Variants in PER3 observed in about 807,000 individuals in gnomAD.
The protein encoded by PER3 is period circadian protein homolog 3.
A neutral mutation model predicts 127.2 loss-of-function variants in PER3; 107 were observed. The observed-to-expected ratio is 0.84, with a 90% CI of 0.72 to 0.99. The LOEUF (loss-of-function observed/expected upper bound fraction) is 0.99, where lower values mean the gene tolerates loss of function less well. Ranked by LOEUF, PER3 falls within the 50% of genes least tolerant of loss-of-function variation. PER3 has a pLI of 0.00. For synonymous variants in PER3, 618 were observed against 585.8 expected (o/e 1.05, Z -0.79); for missense variants, 1,560 against 1,525.8 (o/e 1.02, Z -0.37).
Position 7,786,736 on chromosome 1 carries a change from T to C in PER3, c.290T>C (p.Phe97Ser), listed in dbSNP as rs756739004. ...TGTTTCTTAGCAAACAGTGAGTTTT[T>C]CCAGATTCTCAGTCAGAATGGAGCA... ...VHSVQANSEF[F>S]QILSQNGAPQ... Residue 97 changes from phenylalanine (F) to serine (S), a missense_variant, in exon 4 of 22, where the codon TTC (phenylalanine) becomes TCC (serine). This residue lies in a region of PER3 where 1,332 missense variants were observed against 1,223.6 expected (regional missense o/e 1.09). Coordinates refer to ENST00000377532, the MANE Select transcript of PER3 (RefSeq NM_001377275.1). The C allele has an allele frequency of 7.5e-6, 12 of 1,601,280 alleles. No homozygotes were observed. The highest frequency in any genetic ancestry group is 1.3e-5 in the African/African-American group (1 of 74,704).
At chr1:7,810,048 T>A (rs772046101) in intron 12 of PER3, 27 bp downstream of exon 12, 1 of 1,601,048 alleles carries the variant, frequency 6.2e-7, no homozygotes, top group African/African-American at 1.3e-5. Context: ...CACATTCTTA[T>A]ACAGGCATCG....
chr1:7,816,545 G>A (rs192003237), intron 13 of PER3, among the ~76,000 whole-genome samples: 9 of 152,216 alleles, frequency 5.9e-5, no homozygotes. Context: ...TTTTTCCAAA[G>A]AAGATACATA....
chr1:7,802,211 C>T (rs546559758), intron 8 of PER3, among the ~76,000 whole-genome samples: 2 of 152,272 alleles, frequency 1.3e-5, no homozygotes, highest in South Asian at 4.1e-4. Context: ...GAAACTATTT[C>T]TGTGTACTAG....
At position 7,842,741 on chromosome 1, in the gene PER3, G is replaced by T; in HGVS notation, c.3619G>T (p.Glu1207Ter). Residue 1207 changes from glutamate (E) to a stop codon, truncating the protein, a stop_gained, in exon 22 of 22, where the codon GAA (glutamate) becomes TAA (stop). Transcript: ENST00000377532. LOFTEE classifies it high-confidence loss of function. ...CACATCCTGTGGTCAGGTTCTGGTA[G>T]AAGACAGCTGTTGAGTGACTGTGAG... ...AATSCGQVLV[E>*]DSC The T allele has an allele frequency of 6.2e-7, 1 of 1,613,184 alleles. No individual in the cohort carries two copies.
intron 19 of PER3, among the ~76,000 whole-genome samples, chr1:7,831,233 A>G (rs746562935): frequency 2.6e-5 from 4 of 152,220 alleles, no homozygotes; most frequent in Non-Finnish European, 5.9e-5. Context: ...TGAAAATGGC[A>G]TTTTAAATTT....
At chr1:7,817,855 A>G (rs1361994726) in intron 13 of PER3, among the ~76,000 whole-genome samples, 1 of 152,242 alleles carries the variant, frequency 6.6e-6, no homozygotes, top group African/African-American at 2.4e-5. Flanking sequence ...GCGTGATCTC[A>G]AAGTATTCCT....
chr1:7,815,296 T>C (rs1023922937), intron 13 of PER3, among the ~76,000 whole-genome samples: 1 of 152,182 alleles, frequency 6.6e-6, no homozygotes, highest in Non-Finnish European at 1.5e-5. Flanking sequence ...ACTGAAATCG[T>C]CAAATTGGAT....
chr1:7,790,282 A>T lies in PER3; in HGVS notation c.592+2036A>T, dbSNP rs564036008. Among the ~76,000 whole-genome samples, 15 of 152,338 alleles carry T rather than the reference A, an allele frequency of 9.8e-5. No homozygotes were observed. The East Asian group carries it at 2.9e-3, about 29-fold the overall frequency. On this transcript the variant is annotated intron_variant, in intron 5 of 21. Transcript: ENST00000377532. The stretch of plus-strand genomic sequence containing the variant: ...TCCACATGACTGGGGAGGCCTCAGG[A>T]AACTTACAATCATGGCAGAAGGGGA...
Position 7,812,454 on chromosome 1 carries a change from G to A in PER3, c.1522+1866G>A, listed in dbSNP as rs199948098. On this transcript the variant is annotated intron_variant, in intron 13 of 21. Coordinates refer to ENST00000377532, the MANE Select transcript of PER3 (RefSeq NM_001377275.1). ...ATCCTGGCTAACATGGTGAAACCCC[G>A]TCTCTACTAAAAATACAAAAATTAG... Among the ~76,000 whole-genome samples the A allele has an allele frequency of 2.0e-5, 3 of 151,590 alleles. No homozygotes were observed. In the East Asian group the frequency reaches 5.8e-4, roughly 29 times the overall value.
rs1378365931 is a variant in PER3, at chr1:7,787,648, G to A, written c.391-397G>A. 6 of 314,102 alleles carry A rather than the reference G, an allele frequency of 1.9e-5. No individual in the cohort carries two copies. In the East Asian group the frequency reaches 5.1e-4, roughly 27 times the overall value. The allele number at this position is 314,102 out of a possible 1,614,324, so 19.5% of individuals were successfully genotyped here. A position where few individuals can be genotyped will look rare whatever the true frequency, so the allele number is the denominator to read the frequency against. On this transcript the variant is annotated intron_variant, in intron 4 of 21. Coordinates refer to ENST00000377532, the MANE Select transcript of PER3 (RefSeq NM_001377275.1). ...AAAAAATTAGAGCAGTGATGCTTAT[G>A]TAATGAGGTTTGTCAAGGACAGCTT...
At position 7,788,163 on chromosome 1, in the gene PER3, T is replaced by C. The variant is rs2097101075; in HGVS notation, c.509T>C (p.Leu170Pro). 5 of 1,614,112 alleles carry C rather than the reference T, an allele frequency of 3.1e-6. No homozygotes were observed. Among genetic ancestry groups the C allele is most frequent in the Non-Finnish European group, 4.2e-6 (5 of 1,179,948 alleles). The change falls in exon 5 of 22, where the codon CTG becomes CCG. Residue 170 changes from leucine to proline, a missense_variant. Physicochemically the swap from Leu to Pro is moderately conservative, Grantham distance 98 (BLOSUM62 -3). Coordinates refer to ENST00000377532, the MANE Select transcript of PER3 (RefSeq NM_001377275.1). ...CTGGCGTCTTCTCACTTTGTTGACC[T>C]GCTTGCACCTCAAGACATGAGGGTA... is the stretch of plus-strand genomic sequence containing the variant. ...DVLASSHFVDLLAPQDMRVFY... is the reference protein window; with the variant it reads ...DVLASSHFVDPLAPQDMRVFY...
chr1:7,818,661 G>A (rs2097262389), intron 13 of PER3, among the ~76,000 whole-genome samples: 2 of 152,272 alleles, frequency 1.3e-5, no homozygotes, highest in East Asian at 3.9e-4. Context: ...TACAATGGTG[G>A]CCACTTGCCA....
Position 7,820,450 on chromosome 1 carries a change from T to A in PER3, c.1784-17T>A. ...GGGAATTTTTCTTTTCACTGTCAGT[T>A]TCTCTTACACCACCAGCTGGTTTGC... On this transcript the variant is annotated splice_polypyrimidine_tract_variant and intron_variant, in intron 15 of 21. Transcript: ENST00000377532. 1 of 1,592,958 alleles carries A rather than the reference T, an allele frequency of 6.3e-7. No homozygotes were observed. Among genetic ancestry groups the A allele is most frequent in the Non-Finnish European group, 8.5e-7 (1 of 1,169,918 alleles).
chr1:7,798,555 T>C lies in PER3; in HGVS notation c.675T>C (p.Cys225=). The change falls in exon 7 of 22, where the codon TGT becomes TGC. Residue 225 remains cysteine (C), a synonymous_variant. Coordinates refer to ENST00000377532, the MANE Select transcript of PER3 (RefSeq NM_001377275.1). ...GTGAAGACAGAAAGCAAGAGAAGTG[T>C]CACTCCCCATTCCGGATCATCCCCT... is the stretch of plus-strand genomic sequence containing the variant. ...RGGEDRKQEK[C]HSPFRIIPYL... 1 of 1,613,674 alleles carries C rather than the reference T, an allele frequency of 6.2e-7. No homozygotes were observed. The highest frequency in any genetic ancestry group is 1.1e-5 in the South Asian group (1 of 91,056).
At position 7,829,953 on chromosome 1, in the gene PER3, AT is replaced by A; in HGVS notation, c.3007del (p.Ser1003ArgfsTer4). ...CTACTGCCAGCGCTCTGTCCACAGG[AT>A]CGCCTCCCATGAAGAATCCATCCCA... ...HPTASALSTG[S>X]PPMKNPSHPT... On this transcript the variant is annotated frameshift_variant, in exon 19 of 22. Transcript: ENST00000377532. LOFTEE classifies it high-confidence loss of function. 2 of 1,161,258 alleles carry A rather than the reference AT, an allele frequency of 1.7e-6. No individual in the cohort carries two copies. Among genetic ancestry groups the A allele is most frequent in the South Asian group, 1.9e-5 (1 of 51,648 alleles). 71.9% of individuals were successfully genotyped at this position (1,161,258 alleles called of 1,614,324 possible).
chr1:7,820,010 A>G (rs2097268466), intron 14 of PER3, 105 bp from the exon 15 acceptor site: 1 of 1,124,646 alleles, frequency 8.9e-7, no homozygotes, highest in Non-Finnish European at 1.3e-6. Flanking sequence ...CAAAGAAGAA[A>G]GTACAAAGTA....
chr1:7,784,596 G>T, intron 1 of PER3, 58 bp from the exon 2 acceptor site: 1 of 281,172 alleles, frequency 3.6e-6, no homozygotes. Flanking sequence ...CAGCCGGGCC[G>T]CTGGCGTCGG....
Position 7,803,884 on chromosome 1 carries a change from T to G in PER3, c.1136+36T>G, listed in dbSNP as rs75929074. ...CAGTTTTCATATTTTCTAAAACATC[T>G]CTTGTATCAAATAATATTCCTTAGC... is the stretch of plus-strand genomic sequence containing the variant. On this transcript the variant is annotated intron_variant, in intron 10 of 21. Transcript: ENST00000377532. 8,910 of 1,548,206 alleles carry G rather than the reference T, an allele frequency of 5.8e-3. 421 individuals carry two copies. In the African/African-American group the frequency reaches 0.1, roughly 18 times the overall value.
rs972229844 is a variant in PER3, at chr1:7,844,073, T to G, written c.*1318T>G. Reference sequence around the variant, plus strand: ...TTTTGTTTTTGGTTTTTTATGGTTTTTTAAGGAAAATACTTTTCTCCTTTG... The same window carrying G: ...TTTTGTTTTTGGTTTTTTATGGTTTGTTAAGGAAAATACTTTTCTCCTTTG... On this transcript the variant is annotated 3_prime_UTR_variant, in exon 22 of 22. Transcript: ENST00000377532. 1 of 761,842 alleles carries G rather than the reference T, an allele frequency of 1.3e-6. No individual in the cohort carries two copies. Among genetic ancestry groups the G allele is most frequent in the South Asian group, 3.1e-5 (1 of 32,458 alleles). 47.2% of individuals were successfully genotyped at this position (761,842 alleles called of 1,614,324 possible).
Sources: gnomAD v4.1 joint callset for allele counts (sites outside exome capture counted in the v4.1 genomes callset) on GRCh38, gnomAD v4.1.1 for gene constraint, gnomAD v4.1.1 regional missense constraint, MANE v1.5 for transcripts, NCBI Gene and HGNC (gene_info 2026-07-23, HGNC 2026-07-21) for gene names.